The following ANGPT1 variants were observed in gnomAD, a reference collection of about 807,000 sequenced individuals.
ANGPT1 encodes angiopoietin-1.
ANGPT1 carries 17 observed loss-of-function variants against 62.2 expected under a neutral mutation model. The ratio of observed to expected loss-of-function variants is 0.27; its 90% confidence interval spans 0.19 to 0.41. The LOEUF (loss-of-function observed/expected upper bound fraction) is 0.41. Among genes scored for constraint, ANGPT1 ranks in the 10% least tolerant of loss-of-function variants. The pLI is 1.00. For missense variants in ANGPT1, 478 were observed against 594.9 expected (o/e 0.80, Z 2.04); for synonymous variants, 199 against 198.9 (o/e 1.00, Z 0.00).
Position 107,300,042 on chromosome 8 carries a change from T to TAC in ANGPT1, c.936+3197_936+3198insGT, listed in dbSNP as rs1814545577. ...ATATGTAGTTATATCTAGATATAAC[T>TAC]ATATATATAGTTATATCTAGATATA... On this transcript the variant is annotated intron_variant, in intron 5 of 8. Transcript: ENST00000517746. Among the ~76,000 whole-genome samples, 3 of 142,812 alleles carry TAC rather than the reference T, an allele frequency of 2.1e-5. No homozygotes were observed. In the Admixed American group the frequency reaches 2.1e-4, roughly 10 times the overall value. 93.7% of individuals were successfully genotyped at this position (142,812 alleles called of 152,430 possible). A position where few individuals can be genotyped will look rare whatever the true frequency, so the allele number is the denominator to read the frequency against.
chr8:107,417,496 T>C (rs955506165), intron 1 of ANGPT1, among the ~76,000 whole-genome samples: 2 of 152,130 alleles, frequency 1.3e-5, no homozygotes, highest in Non-Finnish European at 2.9e-5. Context: ...ACTTTCATTC[T>C]AACTTAAGTC....
At chr8:107,403,961 G>A (rs1817096078) in intron 1 of ANGPT1, among the ~76,000 whole-genome samples, 1 of 152,046 alleles carries the variant, frequency 6.6e-6, no homozygotes, top group Non-Finnish European at 1.5e-5. Flanking sequence ...AAATAAAAAT[G>A]TTTTGTTAAG....
intron 1 of ANGPT1, among the ~76,000 whole-genome samples, chr8:107,466,510 T>G (rs1250161188): frequency 6.6e-6 from 1 of 152,134 alleles, no homozygotes; most frequent in Non-Finnish European, 1.5e-5. Flanking sequence ...GCCTACTTCA[T>G]ACACTCTGTG....
At chr8:107,363,901 T>C (rs1816219087) in intron 1 of ANGPT1, among the ~76,000 whole-genome samples, 1 of 152,114 alleles carries the variant, frequency 6.6e-6, no homozygotes, top group African/African-American at 2.4e-5. Flanking sequence ...ATCAAAGCAG[T>C]TTTGTCAAGA....
intron 1 of ANGPT1, among the ~76,000 whole-genome samples, chr8:107,406,116 C>A (rs1003081181): frequency 6.6e-6 from 1 of 151,670 alleles, no homozygotes; most frequent in Non-Finnish European, 1.5e-5. Flanking sequence ...AATTGGCATT[C>A]TTATAGTTAA....
chr8:107,362,894 T>C (rs1316751681), intron 1 of ANGPT1, among the ~76,000 whole-genome samples: 1 of 152,306 alleles, frequency 6.6e-6, no homozygotes, highest in African/African-American at 2.4e-5. Context: ...ATCCACACCA[T>C]GCCTATCTTC....
At chr8:107,344,646 G>A (rs1456642958) in intron 2 of ANGPT1, among the ~76,000 whole-genome samples, 1 of 152,182 alleles carries the variant, frequency 6.6e-6, no homozygotes, top group African/African-American at 2.4e-5. Context: ...ACATCATCAT[G>A]TGAAAGCTAG....
intron 1 of ANGPT1, among the ~76,000 whole-genome samples, chr8:107,428,241 A>G (rs1296170840): frequency 6.6e-6 from 1 of 152,184 alleles, no homozygotes; most frequent in Non-Finnish European, 1.5e-5. Flanking sequence ...GTTTCCATCT[A>G]TTACCCACAT....
intron 1 of ANGPT1, among the ~76,000 whole-genome samples, chr8:107,471,685 C>G (rs1174812786): frequency 1.8e-4 from 28 of 151,958 alleles, no homozygotes. Flanking sequence ...TTTTTGCAGG[C>G]CTTTTACTTT....
In ANGPT1 at chr8:107,250,115, A is replaced by G. The variant is rs1025424980; in HGVS notation, c.*1740T>C. On this transcript the variant is annotated 3_prime_UTR_variant, in exon 9 of 9. Transcript: ENST00000517746. ...CTCAAATGGAGGAAACCATTAAGGC[A>G]TAGTGGATCAAGTCACCAAGTTTGA... 2.6e-5 allele frequency: 4 copies of G among 152,512 alleles called. No homozygotes were observed. Among genetic ancestry groups the G allele is most frequent in the Admixed American group, 2.0e-4 (3 of 15,298 alleles). 9.4% of individuals were successfully genotyped at this position (152,512 alleles called of 1,614,324 possible). A position where few individuals can be genotyped will look rare whatever the true frequency, so the allele number is the denominator to read the frequency against.
In ANGPT1 at chr8:107,322,066, T is replaced by C; in HGVS notation, c.638A>G (p.Lys213Arg). 6.2e-7 allele frequency: 1 copy of C among 1,614,014 alleles called. No homozygotes were observed. The highest frequency in any genetic ancestry group is 8.5e-7 in the Non-Finnish European group (1 of 1,179,908). ...GKHKEELDTL[K>R]EEKENLQGLV... ...GCCTTGAAGGTTCTCTTTCTCTTCC[T>C]TTAAGGTGTCCAACTCTTCCTTGTG... is the stretch of plus-strand genomic sequence containing the variant. The change falls in exon 4 of 9, where the codon AAG becomes AGG. Residue 213 changes from lysine to arginine, a missense_variant. Physicochemically the swap from Lys to Arg is conservative, Grantham distance 26 (BLOSUM62 2). Transcript: ENST00000517746.
intron 1 of ANGPT1, among the ~76,000 whole-genome samples, chr8:107,397,707 A>G (rs539140402): frequency 1.3e-5 from 2 of 152,216 alleles, no homozygotes; most frequent in African/African-American, 4.8e-5. Flanking sequence ...TCAACTCTTC[A>G]TACTGGAAAC....
At chr8:107,487,919 C>G (rs1387876053) in intron 1 of ANGPT1, among the ~76,000 whole-genome samples, 7 of 152,040 alleles carry the variant, frequency 4.6e-5, no homozygotes, top group Admixed American at 4.6e-4. Flanking sequence ...TTTCACTATT[C>G]TTGACAATGA....
At position 107,271,086 on chromosome 8, in the gene ANGPT1, C is replaced by T. The variant is rs138486160; in HGVS notation, c.1206-6735G>A. The stretch of plus-strand genomic sequence containing the variant: ...CTTTTTTCCTCCTCCTCCACACACA[C>T]GAAATGGAGAAATAAATAAGCCATT... On this transcript the variant is annotated intron_variant, in intron 7 of 8. Transcript: ENST00000517746. Among the ~76,000 whole-genome samples the T allele has an allele frequency of 1.4e-3, 209 of 152,060 alleles. 2 individuals carry two copies. In the East Asian group the frequency reaches 0.026, roughly 19 times the overall value.
At chr8:107,444,401 CCTT>C (rs1811559128) in intron 1 of ANGPT1, among the ~76,000 whole-genome samples, 1 of 152,138 alleles carries the variant, frequency 6.6e-6, no homozygotes, top group Non-Finnish European at 1.5e-5. Flanking sequence ...AATAGATCAG[CCTT>C]CTTCTGTTTA....
At chr8:107,254,227 C>A (rs1427874400) in intron 8 of ANGPT1, among the ~76,000 whole-genome samples, 1 of 152,004 alleles carries the variant, frequency 6.6e-6, no homozygotes, top group Admixed American at 6.6e-5. Flanking sequence ...TTGATAGATA[C>A]CCCAAAATGT....
chr8:107,432,550 G>A (rs1319911770), intron 1 of ANGPT1, among the ~76,000 whole-genome samples: 1 of 151,936 alleles, frequency 6.6e-6, no homozygotes, highest in Non-Finnish European at 1.5e-5. Flanking sequence ...TGTAGTCCCA[G>A]CTACTCGGGA....
At chr8:107,387,137 G>A (rs528031499) in intron 1 of ANGPT1, among the ~76,000 whole-genome samples, 11 of 152,208 alleles carry the variant, frequency 7.2e-5, no homozygotes, top group African/African-American at 2.4e-4. Flanking sequence ...AAGTAGTCGG[G>A]AAAGGCTCCA....
intron 1 of ANGPT1, among the ~76,000 whole-genome samples, chr8:107,466,924 C>A (rs748701166): frequency 1.6e-4 from 25 of 151,826 alleles, no homozygotes; most frequent in Admixed American, 6.6e-4. Flanking sequence ...AAATTATAAT[C>A]GAGAAATATA....
Sources: gnomAD v4.1 joint callset for allele counts (sites outside exome capture counted in the v4.1 genomes callset) on GRCh38, gnomAD v4.1.1 for gene constraint, MANE v1.5 for transcripts, NCBI Gene and HGNC (gene_info 2026-07-23, HGNC 2026-07-21) for gene names.